Variants in ATP2B2 observed in about 807,000 individuals in gnomAD.
The protein encoded by ATP2B2 is ATPase plasma membrane Ca2+ transporting 2, also known as plasma membrane calcium-transporting ATPase 2.
Under a neutral mutation model 120.0 loss-of-function variants are expected in ATP2B2, and 15 were observed. The observed-to-expected ratio is 0.12, with a 90% CI of 0.08 to 0.19. The LOEUF (loss-of-function observed/expected upper bound fraction) is 0.19. ATP2B2 is among the 10% of genes least tolerant of loss of function. ATP2B2 has a pLI of 1.00. For synonymous variants in ATP2B2, 694 were observed against 700.3 expected, an observed-to-expected ratio of 0.99 and a Z score of 0.14; for missense variants, 1,045 against 1,719.8, an observed-to-expected ratio of 0.61 and a Z score of 6.94.
rs114163988 is a variant in ATP2B2 at position 10,333,648 on chromosome 3, T to C, written c.3421-4523A>G. 9.0e-3 allele frequency among the ~76,000 whole-genome samples: 1,367 copies of C among 152,260 alleles called. 8 individuals are homozygous for C. Among genetic ancestry groups the C allele is most frequent in the Middle Eastern group, 0.037 (11 of 294 alleles). On this transcript the variant is annotated intron_variant, in intron 22 of 22. Transcript: ENST00000360273. Reference sequence around the variant, plus strand: ...TTTGGTCAGGCTCTTTTTAAGACTATAGGCTCAGGAAGGGTCTCAGGAGGC... The same window carrying C: ...TTTGGTCAGGCTCTTTTTAAGACTACAGGCTCAGGAAGGGTCTCAGGAGGC...
intron 12 of ATP2B2, among the ~76,000 whole-genome samples, chr3:10,364,522 C>T (rs1485543077): frequency 6.6e-6 from 1 of 151,984 alleles, no homozygotes; most frequent in African/African-American, 2.4e-5. Context: ...ACCAGTCTGG[C>T]CAAGATGTCA....
chr3:10,686,289 GATT>G (rs1469345123), intron 1 of ATP2B2, among the ~76,000 whole-genome samples: 1 of 152,092 alleles, frequency 6.6e-6, no homozygotes, highest in Non-Finnish European at 1.5e-5. Context: ...GGAGGACAGA[GATT>G]ATGTCTTGGG....
intron 2 of ATP2B2, among the ~76,000 whole-genome samples, chr3:10,581,770 T>C (rs1458423132): frequency 6.6e-6 from 1 of 152,232 alleles, no homozygotes; most frequent in Admixed American, 6.5e-5. Flanking sequence ...TCAAGTGATT[T>C]AACTTTCTGA....
intron 12 of ATP2B2, among the ~76,000 whole-genome samples, chr3:10,368,185 CTT>C (rs112756574): frequency 3.4e-5 from 5 of 149,106 alleles, no homozygotes; most frequent in South Asian, 4.2e-4. Context: ...TGCAAATACT[CTT>C]TTTTTTTTTC....
intron 2 of ATP2B2, among the ~76,000 whole-genome samples, chr3:10,426,109 C>G (rs953266650): frequency 4.6e-5 from 7 of 152,044 alleles, no homozygotes; most frequent in Non-Finnish European, 1.0e-4. Flanking sequence ...TGTGCTGTTC[C>G]CTCTGCTTGG....
chr3:10,403,333 T>A (rs899661510), intron 3 of ATP2B2, among the ~76,000 whole-genome samples: 2 of 152,178 alleles, frequency 1.3e-5, no homozygotes, highest in Admixed American at 6.5e-5. Context: ...TGACCCTGCA[T>A]CCCAACCGTT....
intron 14 of ATP2B2, among the ~76,000 whole-genome samples, chr3:10,356,169 T>C (rs1484695980): frequency 1.4e-5 from 2 of 146,424 alleles, no homozygotes; most frequent in Non-Finnish European, 3.0e-5. Flanking sequence ...TGTGTGTGTG[T>C]GTGTGTGTGT....
Position 10,342,652 on chromosome 3 carries a change from C to G in ATP2B2, c.2917+100G>C, listed in dbSNP as rs985522619. 1.3e-5 allele frequency: 18 copies of G among 1,422,296 alleles called. No individual in the cohort carries two copies. The African/African-American group carries it at 2.5e-4, about 20-fold the overall frequency. 88.1% of individuals were successfully genotyped at this position (1,422,296 alleles called of 1,614,324 possible). A position where few individuals can be genotyped will look rare whatever the true frequency, so the allele number is the denominator to read the frequency against. ...GGCCTCAATTTCCCCATTAGCAAAA[C>G]AGGAGGGGGTTGTGACTCGAGAATG... On this transcript the variant is annotated intron_variant, in intron 19 of 22. Transcript: ENST00000360273. This position sits in a 1 kb window ranked among gnomAD's most constrained non-coding sequence, Gnocchi z 4.4.
At chr3:10,412,453 C>T (rs1027346364) in intron 2 of ATP2B2, among the ~76,000 whole-genome samples, 1 of 152,136 alleles carries the variant, frequency 6.6e-6, no homozygotes, top group Non-Finnish European at 1.5e-5. Context: ...CCCCAAGTAG[C>T]TGGTGTGCCA....
chr3:10,380,740 C>T (rs1477295614), intron 8 of ATP2B2, among the ~76,000 whole-genome samples: 1 of 152,204 alleles, frequency 6.6e-6, no homozygotes, highest in Non-Finnish European at 1.5e-5. Flanking sequence ...TTCCTGAAGT[C>T]TTCATTTCAC....
At chr3:10,581,242 G>T (rs1216645578) in intron 2 of ATP2B2, among the ~76,000 whole-genome samples, 1 of 152,200 alleles carries the variant, frequency 6.6e-6, no homozygotes, top group Admixed American at 6.5e-5. Flanking sequence ...AATGCAAGTA[G>T]ATTCCACAAG....
chr3:10,608,842 A>G (rs1005934120), intron 2 of ATP2B2, among the ~76,000 whole-genome samples: 12 of 152,120 alleles, frequency 7.9e-5, no homozygotes, highest in African/African-American at 2.9e-4. Context: ...TGCTGGGGAG[A>G]GGCCTATTTC....
chr3:10,557,846 A>C (rs1169538659), intron 2 of ATP2B2, among the ~76,000 whole-genome samples: 1 of 152,162 alleles, frequency 6.6e-6, no homozygotes, highest in African/African-American at 2.4e-5. Context: ...CAGGAAGGTG[A>C]GTCATCATGG....
chr3:10,682,328 C>T (rs2071403183), intron 1 of ATP2B2, among the ~76,000 whole-genome samples: 1 of 152,156 alleles, frequency 6.6e-6, no homozygotes, highest in Non-Finnish European at 1.5e-5. Flanking sequence ...CAGATTAAAA[C>T]CTGAGAAAGG....
intron 2 of ATP2B2, among the ~76,000 whole-genome samples, chr3:10,603,875 G>A (rs1407336735): frequency 6.6e-6 from 1 of 152,140 alleles, no homozygotes; most frequent in Non-Finnish European, 1.5e-5. Context: ...GGAAATGAAG[G>A]TCTTTTGGGT....
At chr3:10,371,703 T>C in intron 12 of ATP2B2, 106 bp downstream of exon 12, 4 of 1,546,210 alleles carry the variant, frequency 2.6e-6, no homozygotes, top group Non-Finnish European at 3.5e-6. Context: ...CCAAAATATA[T>C]TAGCAGGATT....
chr3:10,521,616 T>C (rs2066987061), intron 3 of ATP2B2, among the ~76,000 whole-genome samples: 1 of 152,204 alleles, frequency 6.6e-6, no homozygotes, highest in South Asian at 2.1e-4. Flanking sequence ...TGTAAAGTGA[T>C]TGTGGGAACG....
At chr3:10,420,853 G>A (rs375781546) in intron 2 of ATP2B2, among the ~76,000 whole-genome samples, 22 of 152,220 alleles carry the variant, frequency 1.4e-4, no homozygotes, top group African/African-American at 3.9e-4. Context: ...AGGCACCAGG[G>A]AGCTTTAAAA....
rs570201618 is a variant in ATP2B2 at position 10,413,228 on chromosome 3, C to T, written c.200-2413G>A. Among the ~76,000 whole-genome samples the T allele has an allele frequency of 4.6e-5, 7 of 152,330 alleles. No individual in the cohort carries two copies. The East Asian group carries it at 1.2e-3, about 25-fold the overall frequency. ...TCAGAGCTCAGTGGTTCCGGGAGTC[C>T]AGCAGCCTGTGGTTTGGGAGTCTGT... is the stretch of plus-strand genomic sequence containing the variant. On this transcript the variant is annotated intron_variant, in intron 2 of 22. Transcript: ENST00000360273.
Sources: gnomAD v4.1 joint callset for allele counts (sites outside exome capture counted in the v4.1 genomes callset) on GRCh38, gnomAD v4.1.1 for gene constraint, Gnocchi (gnomAD v3.1) non-coding constraint, MANE v1.5 for transcripts, NCBI Gene and HGNC (gene_info 2026-07-23, HGNC 2026-07-21) for gene names.